Variants in AFDN observed in about 807,000 individuals in gnomAD.
AFDN encodes the protein afadin, adherens junction formation factor, also known as afadin.
Under a neutral mutation model 216.6 loss-of-function variants are expected in AFDN, and 68 were observed. That is an observed-to-expected ratio of 0.31 (90% CI 0.26 to 0.38). AFDN has a LOEUF of 0.38. AFDN is among the 10% of genes least tolerant of loss of function. The probability of loss-of-function intolerance (pLI) is 1.00; values close to 1 mark genes in which losing one functional copy is unlikely to be tolerated. For synonymous variants in AFDN, 868 were observed against 853.7 expected (o/e 1.02, Z -0.29); for missense variants, 2,136 against 2,342.0 (o/e 0.91, Z 1.82).
intron 1 of AFDN, among the ~76,000 whole-genome samples, chr6:167,829,380 T>C (rs1779581196): frequency 6.6e-6 from 1 of 152,160 alleles, no homozygotes. Flanking sequence ...TTAATATGAG[T>C]AATTCTCTCA....
Position 167,890,858 on chromosome 6 carries a change from C to G in AFDN, c.1010-4C>G, listed in dbSNP as rs747892564. ...CCTGATGATTTCCCATGCTGCTGTT[C>G]TAGGGATTTTAGTCTTTCAGTTGAA... On this transcript the variant is annotated splice_polypyrimidine_tract_variant and splice_region_variant and intron_variant, in intron 7 of 33. Coordinates refer to ENST00000683244, the MANE Select transcript of AFDN (RefSeq NM_001386888.1). 1.9e-6 allele frequency: 3 copies of G among 1,612,684 alleles called. No individual in the cohort carries two copies. The highest frequency in any genetic ancestry group is 3.3e-5 in the Admixed American group (2 of 59,882).
intron 31 of AFDN, chr6:167,963,171 C>T (rs903791357): frequency 1.9e-6 from 2 of 1,065,478 alleles, no homozygotes; most frequent in Non-Finnish European, 1.1e-6. Context: ...TTTAAAATGA[C>T]AGCGAATTTT....
chr6:167,935,523 C>G (rs1452766056), intron 23 of AFDN, among the ~76,000 whole-genome samples: 1 of 152,182 alleles, frequency 6.6e-6, no homozygotes, highest in Non-Finnish European at 1.5e-5. Context: ...TTTGTAATTC[C>G]TGATGTCTTT....
chr6:167,876,309 G>A (rs771054857), intron 5 of AFDN, among the ~76,000 whole-genome samples: 1 of 152,192 alleles, frequency 6.6e-6, no homozygotes, highest in Non-Finnish European at 1.5e-5. Context: ...ATCTCAGAGA[G>A]TACGGGACTT....
chr6:167,929,513 C>T (rs879528732), intron 23 of AFDN, among the ~76,000 whole-genome samples: 3 of 152,214 alleles, frequency 2.0e-5, no homozygotes, highest in Non-Finnish European at 4.4e-5. Flanking sequence ...TTCCCTCCCC[C>T]TCCTCAGGTC....
intron 10 of AFDN, 35 bp from the exon 11 acceptor site, chr6:167,898,170 T>C (rs1788510390): frequency 6.2e-7 from 1 of 1,609,108 alleles, no homozygotes; most frequent in Non-Finnish European, 8.5e-7. Context: ...GTGAACTTCA[T>C]GATGGGAGTT....
At chr6:167,903,677 C>A (rs1017056419) in intron 12 of AFDN, among the ~76,000 whole-genome samples, 2 of 152,082 alleles carry the variant, frequency 1.3e-5, no homozygotes, top group African/African-American at 2.4e-5. Flanking sequence ...CTCTTTATAC[C>A]CCTCCAGTTT....
intron 15 of AFDN, among the ~76,000 whole-genome samples, chr6:167,912,389 C>T (rs1790510324): frequency 6.6e-6 from 1 of 152,168 alleles, no homozygotes; most frequent in Non-Finnish European, 1.5e-5. Context: ...TGCTTTTCTC[C>T]TGGCAGGATC....
intron 5 of AFDN, among the ~76,000 whole-genome samples, chr6:167,879,787 G>A (rs775914205): frequency 5.9e-5 from 9 of 152,172 alleles, no homozygotes; most frequent in Non-Finnish European, 1.3e-4. Context: ...AGTAAAAATA[G>A]AACTCTGCTC....
chr6:167,948,522 A>C, intron 29 of AFDN, 44 bp downstream of exon 29: 3 of 1,559,790 alleles, frequency 1.9e-6, no homozygotes, highest in Admixed American at 3.4e-5. Context: ...CCTCTCAAGG[A>C]GGACACACTG....
At chr6:167,954,365 GA>G in intron 30 of AFDN, 1 of 1,009,658 alleles carries the variant, frequency 9.9e-7, no homozygotes, top group Non-Finnish European at 1.4e-6. Flanking sequence ...ATGATAGTGA[GA>G]AAATATGCCG....
intron 1 of AFDN, among the ~76,000 whole-genome samples, chr6:167,830,561 TAA>T (rs1223451749): frequency 1.3e-5 from 2 of 152,244 alleles, no homozygotes; most frequent in Non-Finnish European, 2.9e-5. Flanking sequence ...AGCTTACACT[TAA>T]ATGCAGAAAT....
At chr6:167,880,903 C>G (rs1786027538) in intron 6 of AFDN, among the ~76,000 whole-genome samples, 1 of 152,010 alleles carries the variant, frequency 6.6e-6, no homozygotes, top group African/African-American at 2.4e-5. Flanking sequence ...AAAGTATGTG[C>G]CAATTTTGTT....
chr6:167,953,559 C>T (rs1451211188), intron 30 of AFDN, among the ~76,000 whole-genome samples: 1 of 152,214 alleles, frequency 6.6e-6, no homozygotes, highest in Non-Finnish European at 1.5e-5. Context: ...TAGTATTCCT[C>T]AAGTCATTAG....
At chr6:167,946,247 G>T (rs754748762) in intron 26 of AFDN, among the ~76,000 whole-genome samples, 6 of 152,368 alleles carry the variant, frequency 3.9e-5, no homozygotes, top group Non-Finnish European at 7.3e-5. Flanking sequence ...GTGAATAGTA[G>T]ATGATAAACC....
chr6:167,837,917 G>T (rs1213554675), intron 1 of AFDN, among the ~76,000 whole-genome samples: 2 of 152,088 alleles, frequency 1.3e-5, no homozygotes, highest in Admixed American at 1.3e-4. Context: ...AGAACCACAG[G>T]CATAATGTAA....
intron 6 of AFDN, among the ~76,000 whole-genome samples, chr6:167,887,622 A>T (rs1057057971): frequency 6.6e-6 from 1 of 151,698 alleles, no homozygotes; most frequent in Admixed American, 6.6e-5. Context: ...TGTCCGGCTA[A>T]TTTTTTGTAT....
At chr6:167,860,159 CTTTTTTTTTTTTT>C (rs370176215) in intron 1 of AFDN, among the ~76,000 whole-genome samples, 1,453 of 79,418 alleles carry the variant, frequency 0.018, 51 homozygotes, top group African/African-American at 0.066. Context: ...TACAGCAATG[CTTTTTTTTTTTTT>C]TTTTTTTTTT....
At chr6:167,920,063 G>A (rs1391439501) in intron 21 of AFDN, among the ~76,000 whole-genome samples, 1 of 152,188 alleles carries the variant, frequency 6.6e-6, no homozygotes, top group Non-Finnish European at 1.5e-5. Flanking sequence ...TTACCTCTGA[G>A]CCTTTCCAAA....
Sources: allele counts gnomAD v4.1 joint callset (sites outside exome capture counted in the v4.1 genomes callset), GRCh38; gene constraint gnomAD v4.1.1; transcripts MANE v1.5; gene names NCBI Gene and HGNC (gene_info 2026-07-23, HGNC 2026-07-21).